The following CEACAM16 variants were observed in gnomAD, a reference collection of about 807,000 sequenced individuals.
CEACAM16 encodes cell adhesion molecule CEACAM16.
In CEACAM16, 30 loss-of-function variants were observed where a neutral mutation model predicts 39.4. The observed-to-expected ratio is 0.76, with a 90% confidence interval of 0.57 to 1.03. The LOEUF is 1.03. Among genes scored for constraint, CEACAM16 ranks in the 50% least tolerant of loss-of-function variants. The pLI, the probability that CEACAM16 is intolerant of heterozygous loss-of-function variation, is 0.00. For synonymous variants in CEACAM16, 262 were observed against 264.9 expected, an observed-to-expected ratio of 0.99 and a Z score of 0.11; for missense variants, 521 against 585.3, an observed-to-expected ratio of 0.89 and a Z score of 1.13.
chr19:44,703,504 G>C lies in CEACAM16; in HGVS notation c.193G>C (p.Val65Leu). The change falls in exon 3 of 7, where the codon GTG becomes CTG. Residue 65 changes from valine to leucine, a missense_variant. Transcript: ENST00000587331. Reference protein sequence around the residue: ...AGPTLSVSYLVASYIVSTGDE... With the variant: ...AGPTLSVSYLLASYIVSTGDE... Reference sequence around the variant, plus strand: ...GCCCACACTCAGCGTGTCATACCTGGTGGCCAGCTACATCGTGAGCACAGG... The same window carrying C: ...GCCCACACTCAGCGTGTCATACCTGCTGGCCAGCTACATCGTGAGCACAGG... 6.2e-7 allele frequency: 1 copy of C among 1,613,732 alleles called. No homozygotes were observed. Among genetic ancestry groups the C allele is most frequent in the Non-Finnish European group, 8.5e-7 (1 of 1,179,872 alleles).
chr19:44,700,737 G>A (rs756151796), intron 1 of CEACAM16, among the ~76,000 whole-genome samples: 2 of 152,194 alleles, frequency 1.3e-5, no homozygotes, highest in African/African-American at 4.8e-5. Context: ...CAAGGCCTCC[G>A]AAGTGGGAGA....
At chr19:44,702,559 T>G (rs745360594) in intron 2 of CEACAM16, among the ~76,000 whole-genome samples, 1 of 152,230 alleles carries the variant, frequency 6.6e-6, no homozygotes, top group Non-Finnish European at 1.5e-5. Flanking sequence ...AAACCACACG[T>G]CATTCAAACC....
At chr19:44,707,106 A>T (rs1974461847) in intron 5 of CEACAM16, among the ~76,000 whole-genome samples, 1 of 152,062 alleles carries the variant, frequency 6.6e-6, no homozygotes, top group Non-Finnish European at 1.5e-5. Flanking sequence ...ACTTGGGGAG[A>T]AATTTCCTTC....
At chr19:44,706,363 C>T (rs1974450441) in intron 5 of CEACAM16, among the ~76,000 whole-genome samples, 1 of 151,868 alleles carries the variant, frequency 6.6e-6, no homozygotes, top group African/African-American at 2.4e-5. Flanking sequence ...GCTGGGGAGG[C>T]ATTGTCATCT....
intron 4 of CEACAM16, among the ~76,000 whole-genome samples, chr19:44,705,214 A>G (rs1338882351): frequency 1.3e-5 from 2 of 152,198 alleles, no homozygotes; most frequent in Non-Finnish European, 2.9e-5. Flanking sequence ...ATAGATTTCT[A>G]GAAGCTTAGA....
chr19:44,703,545 C>T lies in CEACAM16; in HGVS notation c.234C>T (p.Gly78=), dbSNP rs73568059. 5.2e-4 allele frequency: 833 copies of T among 1,613,374 alleles called. 4 individuals are homozygous for T. The African/African-American group carries it at 0.01, about 20-fold the overall frequency. Residue 78 remains glycine, a synonymous_variant, in exon 3 of 7, where the codon GGC becomes GGT. Coordinates refer to ENST00000587331, the MANE Select transcript of CEACAM16 (RefSeq NM_001039213.4). ...TGAGCACAGGCGATGAGACTCCTGGCCCGGCCCACACGGGGCGGGAGGCTG... is the reference window on the plus strand; with the variant it reads ...TGAGCACAGGCGATGAGACTCCTGGTCCGGCCCACACGGGGCGGGAGGCTG... ...YIVSTGDETP[G]PAHTGREAVR...
At position 44,710,678 on chromosome 19, in the gene CEACAM16, G is replaced by A; in HGVS notation, c.*172G>A. 1 of 848,068 alleles carries A rather than the reference G, an allele frequency of 1.2e-6. No homozygotes were observed. 52.5% of individuals were successfully genotyped at this position (848,068 alleles called of 1,614,324 possible). ...CAGGGCCCCACTCCCTCGCTGAGCT[G>A]TTGGGGAGCCACCGAGGCCATAAAC... On this transcript the variant is annotated 3_prime_UTR_variant, in exon 7 of 7. Transcript: ENST00000587331.
intron 2 of CEACAM16, among the ~76,000 whole-genome samples, chr19:44,702,292 C>CA (rs965379002): frequency 2.3e-3 from 314 of 134,220 alleles, no homozygotes; most frequent in East Asian, 0.016. Context: ...GACTCCATCT[C>CA]AAAAAAAAAA....
At position 44,699,213 on chromosome 19, in the gene CEACAM16, A is replaced by G. The variant is rs1401071468; in HGVS notation, c.-144A>G. The G allele has an allele frequency of 9.4e-6, 5 of 533,018 alleles. No homozygotes were observed. The highest frequency in any genetic ancestry group is 1.9e-5 in the Non-Finnish European group (5 of 259,360). 33.0% of individuals were successfully genotyped at this position (533,018 alleles called of 1,614,324 possible). A position where few individuals can be genotyped will look rare whatever the true frequency, so the allele number is the denominator to read the frequency against. Reference sequence around the variant, plus strand: ...ATAGGTGCTCATTCAGTATTTGTCCAATAAGTGAATGAGTGATTTACTGAG... The same window carrying G: ...ATAGGTGCTCATTCAGTATTTGTCCGATAAGTGAATGAGTGATTTACTGAG... On this transcript the variant is annotated 5_prime_UTR_variant, in exon 1 of 7. Coordinates refer to ENST00000587331, the MANE Select transcript of CEACAM16 (RefSeq NM_001039213.4).
Position 44,703,523 on chromosome 19 carries a change from G to A in CEACAM16, c.212G>A (p.Ser71Asn). 2.5e-6 allele frequency: 4 copies of A among 1,613,634 alleles called. No homozygotes were observed. Among genetic ancestry groups the A allele is most frequent in the South Asian group, 1.1e-5 (1 of 91,072 alleles). Residue 71 changes from serine to asparagine, a missense_variant, in exon 3 of 7, where the codon AGC becomes AAC. Physicochemically the swap from Ser to Asn is conservative, Grantham distance 46. Coordinates refer to ENST00000587331, the MANE Select transcript of CEACAM16 (RefSeq NM_001039213.4). ...TACCTGGTGGCCAGCTACATCGTGA[G>A]CACAGGCGATGAGACTCCTGGCCCG... ...VSYLVASYIV[S>N]TGDETPGPAH...
At chr19:44,703,938 A>G in intron 3 of CEACAM16, 80 bp from the exon 4 acceptor site, 1 of 1,441,924 alleles carries the variant, frequency 6.9e-7, no homozygotes, top group Non-Finnish European at 9.3e-7. Context: ...CAATCCGGCC[A>G]TGCCCCTTGT....
rs148306369 is a variant in CEACAM16 at position 44,707,906 on chromosome 19, C to T, written c.986C>T (p.Thr329Met). 3.3e-5 allele frequency: 52 copies of T among 1,566,498 alleles called. No individual in the cohort carries two copies. The highest frequency in any genetic ancestry group is 1.7e-4 in the Middle Eastern group (1 of 5,738). Residue 329 changes from threonine (T) to methionine (M), a missense_variant, in exon 6 of 7, where the codon ACG becomes ATG. Physicochemically the swap from Thr to Met is moderately conservative, Grantham distance 81 (BLOSUM62 -1). Transcript: ENST00000587331. Reference sequence around the variant, plus strand: ...ATCGTGCCCGTGCCCACCAAGCCAACGGAGGGCCAGGACGTAACACTGACC... The same window carrying T: ...ATCGTGCCCGTGCCCACCAAGCCAATGGAGGGCCAGGACGTAACACTGACC... Reference protein sequence around the residue: ...TMIVPVPTKPTEGQDVTLTVQ... With the variant: ...TMIVPVPTKPMEGQDVTLTVQ...
At chr19:44,709,403 A>C (rs1974501454) in intron 6 of CEACAM16, among the ~76,000 whole-genome samples, 1 of 147,726 alleles carries the variant, frequency 6.8e-6, no homozygotes, top group Non-Finnish European at 1.5e-5. Flanking sequence ...TGTCTCCTCC[A>C]TCAGACCGGG....
chr19:44,702,636 G>A (rs1467658724), intron 2 of CEACAM16, among the ~76,000 whole-genome samples: 2 of 152,286 alleles, frequency 1.3e-5, no homozygotes, highest in Non-Finnish European at 2.9e-5. Context: ...AAGGGGTGGA[G>A]TGTGTTCATC....
rs761196195 is a variant in CEACAM16, at chr19:44,705,806, G to A, written c.878G>A (p.Cys293Tyr). 11 of 1,613,844 alleles carry A rather than the reference G, an allele frequency of 6.8e-6. No individual in the cohort carries two copies. In the African/African-American group the frequency reaches 1.2e-4, roughly 18 times the overall value. The change falls in exon 5 of 7, where the codon TGT becomes TAT. Residue 293 changes from cysteine to tyrosine, a missense_variant. Cys to Tyr is a radical substitution (Grantham distance 194, BLOSUM62 -2). Coordinates refer to ENST00000587331, the MANE Select transcript of CEACAM16 (RefSeq NM_001039213.4). ...MTAAQEGTYTCIAKNTKTLLS... is the reference protein window; with the variant it reads ...MTAAQEGTYTYIAKNTKTLLS... ...GCCGCCCAGGAGGGGACGTACACAT[G>A]TATTGCGAAGAACACCAAGACCCTG...
In CEACAM16 at chr19:44,699,384, C is replaced by T. The variant is rs114048612; in HGVS notation, c.-97+124C>T. The T allele has an allele frequency of 1.3e-3, 651 of 490,060 alleles. 3 individuals are homozygous for T. Among genetic ancestry groups the T allele is most frequent in the African/African-American group, 0.011 (588 of 51,392 alleles). The allele number at this position is 490,060 out of a possible 1,614,324, so 30.4% of individuals were successfully genotyped here. On this transcript the variant is annotated intron_variant, in intron 1 of 6. Transcript: ENST00000587331. ...GGCTTGGCAGAGTCCATAAATTGCC[C>T]AGGGTCCTGGAGGTAGGAAACAGTG...
At position 44,707,919 on chromosome 19, in the gene CEACAM16, C is replaced by T. The variant is rs200767877; in HGVS notation, c.999C>T (p.Asp333=). The change falls in exon 6 of 7, where the codon GAC becomes GAT. Residue 333 remains aspartate, a synonymous_variant. Transcript: ENST00000587331. ...PVPTKPTEGQ[D]VTLTVQGYPK... ...CCACCAAGCCAACGGAGGGCCAGGA[C>T]GTAACACTGACCGTGCAGGGCTACC... is the stretch of plus-strand genomic sequence containing the variant. 1,845 of 1,586,864 alleles carry T rather than the reference C, an allele frequency of 1.2e-3. No individual in the cohort carries two copies. Among genetic ancestry groups the T allele is most frequent in the Non-Finnish European group, 1.4e-3 (1,613 of 1,160,610 alleles).
intron 5 of CEACAM16, among the ~76,000 whole-genome samples, chr19:44,706,787 G>A (rs566678586): frequency 3.9e-4 from 60 of 152,348 alleles, no homozygotes; most frequent in Non-Finnish European, 7.3e-4. Flanking sequence ...ATGCAGGTAT[G>A]TGCAGGGAGT....
At chr19:44,709,109 G>A (rs62120570) in intron 6 of CEACAM16, among the ~76,000 whole-genome samples, 23,191 of 143,648 alleles carry the variant, frequency 0.16, 2,154 homozygotes, top group African/African-American at 0.28. Context: ...TGTTTCCTCC[G>A]TCAGACTGGG....
Sources: allele counts gnomAD v4.1 joint callset (sites outside exome capture counted in the v4.1 genomes callset), GRCh38; gene constraint gnomAD v4.1.1; transcripts MANE v1.5; gene names NCBI Gene and HGNC (gene_info 2026-07-23, HGNC 2026-07-21).